The following SLC44A5 variants were observed in gnomAD, a reference collection of about 807,000 sequenced individuals.
SLC44A5 encodes choline transporter-like protein 5.
Under a neutral mutation model 101.8 loss-of-function variants are expected in SLC44A5, and 57 were observed. That is an observed-to-expected ratio of 0.56 (90% CI 0.45 to 0.70). SLC44A5 has a LOEUF of 0.70. Among genes scored for constraint, SLC44A5 ranks in the 30% least tolerant of loss-of-function variants. The pLI is 0.00. For synonymous variants in SLC44A5, 281 were observed against 290.9 expected (o/e 0.97, Z 0.35); for missense variants, 737 against 853.1 (o/e 0.86, Z 1.70).
chr1:75,368,727 A>G (rs1660028351), intron 3 of SLC44A5, among the ~76,000 whole-genome samples: 1 of 152,090 alleles, frequency 6.6e-6, no homozygotes, highest in Admixed American at 6.6e-5. Flanking sequence ...GTTCTGAAAT[A>G]TATCCTAAGA....
At chr1:75,529,024 T>C (rs1670579436) in intron 2 of SLC44A5, among the ~76,000 whole-genome samples, 1 of 152,212 alleles carries the variant, frequency 6.6e-6, no homozygotes, top group Non-Finnish European at 1.5e-5. Flanking sequence ...ACTGTTACAT[T>C]ATCTTGTTTA....
intron 2 of SLC44A5, among the ~76,000 whole-genome samples, chr1:75,489,105 C>T (rs1326414309): frequency 6.6e-6 from 1 of 152,130 alleles, no homozygotes; most frequent in African/African-American, 2.4e-5. Context: ...GCCTCAGCCT[C>T]CCAAAGTGTT....
the SLC44A5 span, among the ~76,000 whole-genome samples, chr1:75,656,333 T>C: frequency 6.6e-6 from 1 of 152,140 alleles, no homozygotes; most frequent in African/African-American, 2.4e-5. Context: ...AATTCGCTGG[T>C]AAAAGTAAGT....
chr1:75,568,046 A>G (rs1302451488), intron 1 of SLC44A5, among the ~76,000 whole-genome samples: 2 of 152,190 alleles, frequency 1.3e-5, no homozygotes, highest in African/African-American at 4.8e-5. Flanking sequence ...TAACTTATGT[A>G]TTGGTGCCTA....
intron 1 of SLC44A5, among the ~76,000 whole-genome samples, chr1:75,586,438 C>T (rs1022553560): frequency 2.8e-5 from 4 of 144,034 alleles, no homozygotes; most frequent in Admixed American, 7.2e-5. Context: ...TCTGGCGAAC[C>T]CTAATACAAT....
the SLC44A5 span, among the ~76,000 whole-genome samples, chr1:75,702,516 G>A: frequency 6.6e-6 from 1 of 152,020 alleles, no homozygotes; most frequent in African/African-American, 2.4e-5. Context: ...ATTCAAGATG[G>A]ATTAAAGACT....
At chr1:75,369,518 T>C (rs1660090273) in intron 3 of SLC44A5, among the ~76,000 whole-genome samples, 1 of 152,160 alleles carries the variant, frequency 6.6e-6, no homozygotes, top group South Asian at 2.1e-4. Context: ...CCGTGATTCA[T>C]GAGAGATACA....
intron 23 of SLC44A5, among the ~76,000 whole-genome samples, chr1:75,209,081 G>T (rs970793811): frequency 6.6e-5 from 10 of 152,256 alleles, no homozygotes; most frequent in East Asian, 5.8e-4. Flanking sequence ...CTTGTTCTTT[G>T]TTATCACAGA....
At chr1:75,443,747 A>T (rs1455846084) in intron 2 of SLC44A5, among the ~76,000 whole-genome samples, 6 of 151,854 alleles carry the variant, frequency 4.0e-5, no homozygotes, top group Non-Finnish European at 7.4e-5. Context: ...CCCAAAAGCA[A>T]ACAAAATTAC....
chr1:75,653,313 C>T, the SLC44A5 span, among the ~76,000 whole-genome samples: 1 of 152,172 alleles, frequency 6.6e-6, no homozygotes, highest in African/African-American at 2.4e-5. Context: ...GAAACCTCAT[C>T]GCTACTAAAA....
the SLC44A5 span, among the ~76,000 whole-genome samples, chr1:75,717,890 A>G: frequency 6.6e-6 from 1 of 152,246 alleles, no homozygotes; most frequent in African/African-American, 2.4e-5. Context: ...TAAAAGAGAA[A>G]GCTGACCAAC....
chr1:75,711,861 A>G, the SLC44A5 span, among the ~76,000 whole-genome samples: 490 of 152,316 alleles, frequency 3.2e-3, 2 homozygotes, highest in South Asian at 0.015. Context: ...ATCTCCTTAT[A>G]TGACCATCTT....
At chr1:75,300,085 T>C (rs1465057746) in intron 5 of SLC44A5, among the ~76,000 whole-genome samples, 1 of 148,252 alleles carries the variant, frequency 6.7e-6, no homozygotes, top group East Asian at 2.0e-4. Flanking sequence ...TTCACTTTCA[T>C]AGAAAAATCT....
At chr1:75,533,247 C>T (rs545039001) in intron 2 of SLC44A5, among the ~76,000 whole-genome samples, 106 of 152,166 alleles carry the variant, frequency 7.0e-4, no homozygotes, top group African/African-American at 2.6e-3. Flanking sequence ...AATCTAGTGT[C>T]AGTAGAATGA....
At chr1:75,708,410 T>A in the SLC44A5 span, among the ~76,000 whole-genome samples, 1 of 61,154 alleles carries the variant, frequency 1.6e-5, no homozygotes, top group Non-Finnish European at 2.5e-5. Flanking sequence ...CAAGACTCCG[T>A]CTCAAAAAAA....
intron 2 of SLC44A5, among the ~76,000 whole-genome samples, chr1:75,505,806 G>T (rs78662280): frequency 0.017 from 2,615 of 152,062 alleles, 63 homozygotes; most frequent in African/African-American, 0.059. Flanking sequence ...GTGTGTTGTT[G>T]TTTAATTTGT....
At chr1:75,654,782 C>G in the SLC44A5 span, among the ~76,000 whole-genome samples, 10 of 152,110 alleles carry the variant, frequency 6.6e-5, no homozygotes, top group African/African-American at 2.4e-4. Flanking sequence ...CCCCCCAAAA[C>G]TTTTCCCATC....
chr1:75,479,901 G>A (rs550666830), intron 2 of SLC44A5, among the ~76,000 whole-genome samples: 1 of 152,242 alleles, frequency 6.6e-6, no homozygotes, highest in African/African-American at 2.4e-5. Flanking sequence ...ACTCATTTGA[G>A]GAGGCCAGCA....
At chr1:75,515,093 T>G (rs542353219) in intron 2 of SLC44A5, among the ~76,000 whole-genome samples, 1 of 152,334 alleles carries the variant, frequency 6.6e-6, no homozygotes, top group South Asian at 2.1e-4. Flanking sequence ...TCTTCACTTT[T>G]TGTGTGTTGT....
Sources: gnomAD v4.1 joint callset for allele counts (sites outside exome capture counted in the v4.1 genomes callset) on GRCh38, gnomAD v4.1.1 for gene constraint, MANE v1.5 for transcripts, NCBI Gene and HGNC (gene_info 2026-07-23, HGNC 2026-07-21) for gene names.